The following CNTN5 variants were observed in gnomAD, a reference collection of about 807,000 sequenced individuals.
The protein encoded by CNTN5 is contactin-5.
Under a neutral mutation model 129.1 loss-of-function variants are expected in CNTN5, and 77 were observed. The ratio of observed to expected loss-of-function variants is 0.60; its 90% confidence interval spans 0.50 to 0.72. The LOEUF (loss-of-function observed/expected upper bound fraction) is 0.72, where lower values mean the gene tolerates loss of function less well. CNTN5 is among the 30% of genes least tolerant of loss of function. The pLI is 0.00. For missense variants in CNTN5, 1,478 were observed against 1,328.8 expected (o/e 1.11, Z -1.75); for synonymous variants, 509 against 465.6 (o/e 1.09, Z -1.20).
intron 9 of CNTN5, among the ~76,000 whole-genome samples, chr11:100,011,751 T>TA (rs1238852779): frequency 4.6e-5 from 7 of 152,190 alleles, no homozygotes; most frequent in African/African-American, 1.7e-4. Context: ...ATATGTTTAC[T>TA]GTAAATAAAA....
chr11:99,441,491 A>G (rs1279280715), intron 2 of CNTN5, among the ~76,000 whole-genome samples: 1 of 152,214 alleles, frequency 6.6e-6, no homozygotes, highest in Non-Finnish European at 1.5e-5. Context: ...TGCACTGAAC[A>G]TGTGAATAAT....
intron 17 of CNTN5, among the ~76,000 whole-genome samples, chr11:100,269,517 A>G (rs762066291): frequency 2.0e-5 from 3 of 152,118 alleles, no homozygotes; most frequent in Non-Finnish European, 4.4e-5. Context: ...AGAGAGGAAA[A>G]AAGGGCTGGT....
chr11:99,242,426 A>G (rs916360825), intron 1 of CNTN5, among the ~76,000 whole-genome samples: 3 of 152,092 alleles, frequency 2.0e-5, no homozygotes, highest in African/African-American at 4.8e-5. Context: ...CCCTGTTAGT[A>G]ATTTATTGTC....
At chr11:99,602,207 G>A (rs754280044) in intron 3 of CNTN5, among the ~76,000 whole-genome samples, 1 of 151,830 alleles carries the variant, frequency 6.6e-6, no homozygotes, top group Non-Finnish European at 1.5e-5. Flanking sequence ...TATATATTAT[G>A]TATACATAAT....
chr11:99,850,103 TA>T (rs140499413), intron 6 of CNTN5, among the ~76,000 whole-genome samples: 23,939 of 152,106 alleles, frequency 0.16, 2,011 homozygotes, highest in Non-Finnish European at 0.17. Flanking sequence ...ACCACTTATT[TA>T]ATTTTCCTTA....
chr11:99,743,538 C>T lies in CNTN5; in HGVS notation c.56-76006C>T, dbSNP rs148515333. ...CTATAAATTGCAATTACATGAAGTA[C>T]ATATAAAGTCGTTAAGGGCCTGATA... On this transcript the variant is annotated intron_variant, in intron 3 of 24. Transcript: ENST00000524871. Among the ~76,000 whole-genome samples, 570 of 152,240 alleles carry T rather than the reference C, an allele frequency of 3.7e-3. 6 individuals carry two copies. Among genetic ancestry groups the T allele is most frequent in the African/African-American group, 0.013 (538 of 41,538 alleles).
intron 9 of CNTN5, among the ~76,000 whole-genome samples, chr11:100,032,812 TA>T (rs1941787473): frequency 6.6e-6 from 1 of 152,138 alleles, no homozygotes; most frequent in Non-Finnish European, 1.5e-5. Flanking sequence ...ATAATCAGTA[TA>T]AAAGAATGTC....
At chr11:99,148,020 G>A (rs971178241) in intron 1 of CNTN5, among the ~76,000 whole-genome samples, 6 of 151,954 alleles carry the variant, frequency 3.9e-5, no homozygotes, top group Admixed American at 3.9e-4. Flanking sequence ...AACAATAGTA[G>A]GGATTTAATA....
At position 100,061,489 on chromosome 11, in the gene CNTN5, A is replaced by G. The variant is rs1943481301; in HGVS notation, c.1162+96A>G. ...CTAAATATTGTTTGTTAGGTACATA[A>G]AAACCAAGTAATAATTTATAATCAT... On this transcript the variant is annotated intron_variant, in intron 10 of 24. Coordinates refer to ENST00000524871, the MANE Select transcript of CNTN5 (RefSeq NM_014361.4). The G allele has an allele frequency of 1.4e-5, 12 of 845,454 alleles. No individual in the cohort carries two copies. In the South Asian group the frequency reaches 2.4e-4, roughly 17 times the overall value. 52.4% of individuals were successfully genotyped at this position (845,454 alleles called of 1,614,324 possible).
In CNTN5 at chr11:99,871,172, C is replaced by T. The variant is rs115164748; in HGVS notation, c.577+25910C>T. Among the ~76,000 whole-genome samples, 561 of 152,102 alleles carry T rather than the reference C, an allele frequency of 3.7e-3. 2 individuals carry two copies. Among genetic ancestry groups the T allele is most frequent in the African/African-American group, 0.013 (528 of 41,542 alleles). On this transcript the variant is annotated intron_variant, in intron 6 of 24. Transcript: ENST00000524871. Reference sequence around the variant, plus strand: ...AGAGTAGAACTAAGGGAAATATAATCACTAAGCCCTAGGTAATAAAATCAG... The same window carrying T: ...AGAGTAGAACTAAGGGAAATATAATTACTAAGCCCTAGGTAATAAAATCAG...
chr11:99,670,034 T>A (rs1179076324), intron 3 of CNTN5, among the ~76,000 whole-genome samples: 1 of 152,186 alleles, frequency 6.6e-6, no homozygotes. Flanking sequence ...GCCATGTTGG[T>A]GAAAATTAGA....
rs534453972 is a variant in CNTN5, at chr11:99,841,540, C to T, written c.278-3312C>T. ...ATATATATACATATATAAAATCATG[C>T]TTTATAAATGTTAGCACATAAGTAT... On this transcript the variant is annotated intron_variant, in intron 4 of 24. Transcript: ENST00000524871. Among the ~76,000 whole-genome samples, 413 of 150,862 alleles carry T rather than the reference C, an allele frequency of 2.7e-3. 4 individuals carry two copies. Among genetic ancestry groups the T allele is most frequent in the Non-Finnish European group, 3.7e-3 (251 of 67,808 alleles).
At chr11:99,612,912 C>T (rs780472391) in intron 3 of CNTN5, among the ~76,000 whole-genome samples, 18 of 152,192 alleles carry the variant, frequency 1.2e-4, no homozygotes, top group Middle Eastern at 3.4e-3. Flanking sequence ...GAGGAGCGGG[C>T]AAGGAACTGA....
chr11:99,427,195 C>T (rs979645542), intron 2 of CNTN5, among the ~76,000 whole-genome samples: 33 of 152,050 alleles, frequency 2.2e-4, no homozygotes, highest in African/African-American at 7.0e-4. Flanking sequence ...TGTCCTGAAT[C>T]GTAAGTGAAG....
intron 1 of CNTN5, among the ~76,000 whole-genome samples, chr11:99,097,655 T>C (rs1866537622): frequency 6.6e-6 from 1 of 151,936 alleles, no homozygotes; most frequent in Non-Finnish European, 1.5e-5. Context: ...ACCAAAACCT[T>C]TATATCTATT....
chr11:100,294,736 T>C (rs577478474), intron 18 of CNTN5, among the ~76,000 whole-genome samples: 1 of 151,642 alleles, frequency 6.6e-6, no homozygotes, highest in African/African-American at 2.4e-5. Flanking sequence ...ATTTTGTGCT[T>C]CTAGCAAGAA....
At chr11:99,857,402 C>T (rs1948074611) in intron 6 of CNTN5, among the ~76,000 whole-genome samples, 1 of 152,082 alleles carries the variant, frequency 6.6e-6, no homozygotes, top group Non-Finnish European at 1.5e-5. Context: ...CTTATGACAC[C>T]TATGAGAAGA....
intron 8 of CNTN5, among the ~76,000 whole-genome samples, chr11:99,997,039 C>T (rs1047579100): frequency 2.6e-5 from 4 of 152,156 alleles, no homozygotes; most frequent in Non-Finnish European, 5.9e-5. Flanking sequence ...CATTTCAAAA[C>T]TAATCATACC....
intron 1 of CNTN5, among the ~76,000 whole-genome samples, chr11:99,312,827 C>G (rs1236552898): frequency 6.8e-6 from 1 of 146,924 alleles, no homozygotes; most frequent in Middle Eastern, 3.5e-3. Flanking sequence ...TTTTTTTTTC[C>G]CCAGGAGCCT....
Sources: gnomAD v4.1 joint callset for allele counts (sites outside exome capture counted in the v4.1 genomes callset) on GRCh38, gnomAD v4.1.1 for gene constraint, MANE v1.5 for transcripts, NCBI Gene and HGNC (gene_info 2026-07-23, HGNC 2026-07-21) for gene names.